The following SPTLC1 variants were observed in gnomAD, a reference collection of about 807,000 sequenced individuals.
The protein encoded by SPTLC1 is serine palmitoyltransferase 1.
Under a neutral mutation model 68.9 loss-of-function variants are expected in SPTLC1, and 55 were observed. The ratio of observed to expected loss-of-function variants is 0.80; its 90% CI spans 0.64 to 1.00. SPTLC1 has a LOEUF of 1.00. Ranked by LOEUF, SPTLC1 falls within the 50% of genes least tolerant of loss-of-function variation. The pLI is 0.00. For missense variants in SPTLC1, 449 were observed against 573.1 expected (o/e 0.78, Z 2.21); for synonymous variants, 197 against 201.6 (o/e 0.98, Z 0.19).
chr9:92,108,775 T>G lies in SPTLC1; in HGVS notation c.225A>C (p.Lys75Asn), dbSNP rs1359060768. 1 of 1,606,432 alleles carries G rather than the reference T, an allele frequency of 6.2e-7. No homozygotes were observed. Among genetic ancestry groups the G allele is most frequent in the Admixed American group, 1.7e-5 (1 of 59,652 alleles). The change falls in exon 3 of 15, where the codon AAA becomes AAC. Residue 75 changes from lysine (K) to asparagine (N), a missense_variant. Coordinates refer to ENST00000262554, the MANE Select transcript of SPTLC1 (RefSeq NM_006415.4). ...TGTTGTAGTTGAGAGCAGGATGGTCTTTTGGGACAGGAGGAACAAGAGGTT... is the reference window on the plus strand; with the variant it reads ...TGTTGTAGTTGAGAGCAGGATGGTCGTTTGGGACAGGAGGAACAAGAGGTT... ...QPEPLVPPVP[K>N]DHPALNYNIV...
At chr9:92,088,744 CT>C (rs1835250211) in intron 3 of SPTLC1, among the ~76,000 whole-genome samples, 1 of 152,208 alleles carries the variant, frequency 6.6e-6, no homozygotes, top group African/African-American at 2.4e-5. Flanking sequence ...GATACTATTT[CT>C]GTCCAGCACT....
At position 92,079,377 on chromosome 9, in the gene SPTLC1, A is replaced by G. The variant is rs2118668573; in HGVS notation, c.427+639T>C. The G allele has an allele frequency of 3.4e-6, 5 of 1,463,564 alleles. No homozygotes were observed. The South Asian group carries it at 7.1e-5, about 21-fold the overall frequency. The allele number at this position is 1,463,564 out of a possible 1,614,324, so 90.7% of individuals were successfully genotyped here. A position where few individuals can be genotyped will look rare whatever the true frequency, so the allele number is the denominator to read the frequency against. On this transcript the variant is annotated intron_variant, in intron 5 of 14. Transcript: ENST00000262554. The stretch of plus-strand genomic sequence containing the variant: ...AGGCATGAGCCACCATGCCCGGCCT[A>G]AACAATTATTTAATAACATTTTCAG...
chr9:92,048,990 T>A (rs538228012), intron 9 of SPTLC1, among the ~76,000 whole-genome samples: 1 of 152,250 alleles, frequency 6.6e-6, no homozygotes, highest in East Asian at 1.9e-4. Context: ...TCCATAAAAA[T>A]TTTCATGCCT....
At chr9:92,090,111 C>T (rs183668435) in intron 3 of SPTLC1, among the ~76,000 whole-genome samples, 14 of 152,102 alleles carry the variant, frequency 9.2e-5, no homozygotes, top group South Asian at 8.3e-4. Flanking sequence ...AGAAGCTGCA[C>T]GGATAAAGAA....
chr9:92,049,932 G>A, intron 9 of SPTLC1, 28 bp downstream of exon 9: 1 of 1,397,010 alleles, frequency 7.2e-7, no homozygotes, highest in South Asian at 1.2e-5. Context: ...TATAAGAGGG[G>A]AAACGTTCTT....
intron 3 of SPTLC1, among the ~76,000 whole-genome samples, chr9:92,106,048 C>A (rs1479320927): frequency 6.8e-6 from 1 of 146,980 alleles, no homozygotes. Context: ...GGCCCCCTCA[C>A]CGTTTGTAAG....
At chr9:92,040,945 T>G (rs1042125255) in intron 12 of SPTLC1, among the ~76,000 whole-genome samples, 4 of 152,196 alleles carry the variant, frequency 2.6e-5, no homozygotes, top group African/African-American at 9.7e-5. Context: ...GACACAGTTA[T>G]AGCTTGAGTT....
At chr9:92,112,406 C>G (rs773881561) in intron 2 of SPTLC1, 49 bp downstream of exon 2, 2 of 1,293,148 alleles carry the variant, frequency 1.5e-6, no homozygotes, top group Admixed American at 1.7e-5. Flanking sequence ...AAAGACATAG[C>G]AACTATAATC....
intron 3 of SPTLC1, among the ~76,000 whole-genome samples, chr9:92,086,570 C>T (rs962762985): frequency 1.4e-4 from 21 of 152,302 alleles, no homozygotes; most frequent in Non-Finnish European, 2.6e-4. Context: ...GAATATTGGT[C>T]CCCACTCTCT....
At chr9:92,060,157 T>A (rs1834037513) in intron 6 of SPTLC1, among the ~76,000 whole-genome samples, 2 of 152,166 alleles carry the variant, frequency 1.3e-5, no homozygotes, top group African/African-American at 2.4e-5. Context: ...TTCCTCCTCC[T>A]GGCAGTATGA....
chr9:92,034,267 G>T (rs1833067129), intron 14 of SPTLC1, among the ~76,000 whole-genome samples: 1 of 152,236 alleles, frequency 6.6e-6, no homozygotes, highest in Non-Finnish European at 1.5e-5. Flanking sequence ...CAACTCCTTG[G>T]ACTACCTCGT....
chr9:92,095,299 T>C (rs986537044), intron 3 of SPTLC1, among the ~76,000 whole-genome samples: 13 of 152,094 alleles, frequency 8.5e-5, no homozygotes, highest in Admixed American at 3.3e-4. Flanking sequence ...CAGGGGACCA[T>C]AGATGACACA....
Position 92,032,404 on chromosome 9 carries a change from CG to C in SPTLC1, c.*60del. On this transcript the variant is annotated 3_prime_UTR_variant, in exon 15 of 15. Transcript: ENST00000262554. ...CTCTTTCAGGCCACTCCATGGCCAG[CG>C]GGAGTCTTGAGTCCTCTCTGCGTGT... 1 of 1,612,854 alleles carries C rather than the reference CG, an allele frequency of 6.2e-7. No individual in the cohort carries two copies. The highest frequency in any genetic ancestry group is 8.5e-7 in the Non-Finnish European group (1 of 1,179,702).
At chr9:92,096,247 G>GTCTGATTAT (rs529903107) in intron 3 of SPTLC1, among the ~76,000 whole-genome samples, 63 of 152,228 alleles carry the variant, frequency 4.1e-4, no homozygotes, top group Middle Eastern at 3.4e-3. Flanking sequence ...ACAGGTCCCT[G>GTCTGATTAT]TCTGATTATC....
chr9:92,082,739 A>C (rs1279696153), intron 3 of SPTLC1, among the ~76,000 whole-genome samples: 26 of 151,990 alleles, frequency 1.7e-4, no homozygotes, highest in African/African-American at 5.6e-4. Context: ...ATTTATACTC[A>C]TTTGGGTATA....
At chr9:92,059,857 G>C (rs999090989) in intron 6 of SPTLC1, among the ~76,000 whole-genome samples, 13 of 152,122 alleles carry the variant, frequency 8.5e-5, no homozygotes, top group African/African-American at 2.9e-4. Context: ...CTGTAACAAG[G>C]CGACACACCT....
At position 92,075,533 on chromosome 9, in the gene SPTLC1, G is replaced by A. The variant is rs151251868; in HGVS notation, c.427+4483C>T. On this transcript the variant is annotated intron_variant, in intron 5 of 14. Coordinates refer to ENST00000262554, the MANE Select transcript of SPTLC1 (RefSeq NM_006415.4). ...GCAAAAACGCAGGGCTGCGCTGTAGGAATTCTTACTCAGGAACCAGGCCTG... is the reference window on the plus strand; with the variant it reads ...GCAAAAACGCAGGGCTGCGCTGTAGAAATTCTTACTCAGGAACCAGGCCTG... Among the ~76,000 whole-genome samples, 1,462 of 152,256 alleles carry A rather than the reference G, an allele frequency of 9.6e-3. 10 individuals are homozygous for A. The highest frequency in any genetic ancestry group is 0.016 in the Non-Finnish European group (1,087 of 68,026).
rs186413271 is a variant in SPTLC1 at position 92,039,483 on chromosome 9, G to A, written c.1137-1118C>T. On this transcript the variant is annotated intron_variant, in intron 12 of 14. Coordinates refer to ENST00000262554, the MANE Select transcript of SPTLC1 (RefSeq NM_006415.4). ...TCACTCAGGCTGGCTGCAGTGCAGT[G>A]GCACGATCTCGGCTACTATCTAGTC... is the stretch of plus-strand genomic sequence containing the variant. 2.0e-4 allele frequency among the ~76,000 whole-genome samples: 30 copies of A among 152,196 alleles called. 1 individual carries two copies. The East Asian group carries it at 5.8e-3, about 29-fold the overall frequency.
chr9:92,035,220 T>C (rs77528906), intron 13 of SPTLC1, among the ~76,000 whole-genome samples: 7,900 of 152,288 alleles, frequency 0.052, 265 homozygotes, highest in Middle Eastern at 0.065. Flanking sequence ...AGCTAGCTAG[T>C]GACTACCATT....
Sources: gnomAD v4.1 joint callset for allele counts (sites outside exome capture counted in the v4.1 genomes callset) on GRCh38, gnomAD v4.1.1 for gene constraint, MANE v1.5 for transcripts, NCBI Gene and HGNC (gene_info 2026-07-23, HGNC 2026-07-21) for gene names.